Variants in MBD1 observed in about 807,000 individuals in gnomAD.
MBD1 encodes methyl-CpG binding domain protein 1, also known as methyl-CpG-binding domain protein 1.
MBD1 carries 25 observed loss-of-function variants against 82.6 expected under a neutral mutation model. The ratio of observed to expected loss-of-function variants is 0.30; its 90% CI spans 0.22 to 0.42. MBD1 has a LOEUF of 0.42. Among genes scored for constraint, MBD1 ranks in the 10% least tolerant of loss-of-function variants. The pLI is 1.00. For synonymous variants in MBD1, 301 were observed against 303.7 expected (o/e 0.99, Z 0.09); for missense variants, 627 against 819.6 (o/e 0.76, Z 2.87).
At chr18:50,275,332 A>G (rs1365708876) in intron 8 of MBD1, 87 bp from the exon 9 acceptor site, 3 of 1,612,182 alleles carry the variant, frequency 1.9e-6, no homozygotes, top group African/African-American at 2.7e-5. Flanking sequence ...GAAAGCATGC[A>G]TGGGACAGGC....
chr18:50,277,516 T>TTATA (rs749573543), intron 2 of MBD1, among the ~76,000 whole-genome samples: 1 of 151,472 alleles, frequency 6.6e-6, no homozygotes, highest in Non-Finnish European at 1.5e-5. Context: ...TATATTTGTG[T>TTATA]TATATATATA....
chr18:50,268,878 T>A lies in MBD1; in HGVS notation c.*973A>T. On this transcript the variant is annotated 3_prime_UTR_variant, in exon 17 of 17. Transcript: ENST00000269468. Reference sequence around the variant, plus strand: ...GACAATAAAAATTTAAAAATAATTTTAAAATAGAACAGCTTAGAGATAGAA... The same window carrying A: ...GACAATAAAAATTTAAAAATAATTTAAAAATAGAACAGCTTAGAGATAGAA... 1 of 978,330 alleles carries A rather than the reference T, an allele frequency of 1.0e-6. No homozygotes were observed. Among genetic ancestry groups the A allele is most frequent in the Non-Finnish European group, 1.2e-6 (1 of 823,492 alleles). The allele number at this position is 978,330 out of a possible 1,614,324, so 60.6% of individuals were successfully genotyped here.
chr18:50,276,397 C>T lies in MBD1; in HGVS notation c.497G>A (p.Arg166Gln), dbSNP rs897086935. 3 of 1,614,114 alleles carry T rather than the reference C, an allele frequency of 1.9e-6. No homozygotes were observed. Among genetic ancestry groups the T allele is most frequent in the South Asian group, 1.1e-5 (1 of 91,060 alleles). Residue 166 changes from arginine (R) to glutamine (Q), a missense_variant, in exon 6 of 17, where the codon CGG becomes CAG. Physicochemically the swap from Arg to Gln is conservative, Grantham distance 43. Around this residue, in one of 6 missense-constraint regions of MBD1, gnomAD observed 228 missense variants for 318.1 expected, o/e 0.72. Transcript: ENST00000269468. Reference sequence around the variant, plus strand: ...GCTTACCTTAAACATTCTCTGTTCCCGGTTGAAGGCAATTCTCTGTGCTGT... The same window carrying T: ...GCTTACCTTAAACATTCTCTGTTCCTGGTTGAAGGCAATTCTCTGTGCTGT... ...DCRAQRIAFN[R>Q]EQRMFKRVGC...
chr18:50,275,186 G>A lies in MBD1; in HGVS notation c.852C>T (p.Pro284=), dbSNP rs747032296. Residue 284 remains proline (P), a synonymous_variant, in exon 9 of 17, where the codon CCC becomes CCT. Transcript: ENST00000269468. ...CDSKMAARRR[P]GAQPLPPPPP... is the part of the protein sequence containing the mutation. ...GTGGTGGAGGCAGTGGCTGGGCTCC[G>A]GGGCGCCGCCTGGCAGCCATCTTGG... 1.2e-5 allele frequency: 19 copies of A among 1,613,962 alleles called. No individual in the cohort carries two copies. The highest frequency in any genetic ancestry group is 4.0e-5 in the African/African-American group (3 of 74,914).
chr18:50,269,265 G>T lies in MBD1; in HGVS notation c.*586C>A. The T allele has an allele frequency of 8.7e-7, 1 of 1,149,362 alleles. No individual in the cohort carries two copies. Among genetic ancestry groups the T allele is most frequent in the South Asian group, 2.0e-5 (1 of 49,464 alleles). 71.2% of individuals were successfully genotyped at this position (1,149,362 alleles called of 1,614,324 possible). A position where few individuals can be genotyped will look rare whatever the true frequency, so the allele number is the denominator to read the frequency against. ...TCAGCTTTGCATTTTCAGCCACATA[G>T]TTATATTGAGTTATCCTCAGGTGAG... is the stretch of plus-strand genomic sequence containing the variant. On this transcript the variant is annotated 3_prime_UTR_variant, in exon 17 of 17. Coordinates refer to ENST00000269468, the MANE Select transcript of MBD1 (RefSeq NM_015846.4).
At chr18:50,277,644 T>C (rs1464076445) in intron 2 of MBD1, among the ~76,000 whole-genome samples, 3 of 152,106 alleles carry the variant, frequency 2.0e-5, no homozygotes, top group Non-Finnish European at 4.4e-5. Context: ...AATTAAAGTA[T>C]AAGTAATTGA....
chr18:50,276,422 T>C lies in MBD1; in HGVS notation c.476-4A>G. On this transcript the variant is annotated splice_polypyrimidine_tract_variant and splice_region_variant and intron_variant, in intron 5 of 16. Coordinates refer to ENST00000269468, the MANE Select transcript of MBD1 (RefSeq NM_015846.4). ...CGGTTGAAGGCAATTCTCTGTGCTG[T>C]GGGGAGGAAGAGGGAAGAAGAAAAG... 1 of 1,614,064 alleles carries C rather than the reference T, an allele frequency of 6.2e-7. No homozygotes were observed. Among genetic ancestry groups the C allele is most frequent in the Non-Finnish European group, 8.5e-7 (1 of 1,179,974 alleles).
Position 50,275,350 on chromosome 18 carries a change from G to A in MBD1, c.793-105C>T, listed in dbSNP as rs760230357. The stretch of plus-strand genomic sequence containing the variant: ...AGCATGCATGGGACAGGCAGACAGA[G>A]GGTGGCGTGAGGCACTCACAGTTGG... On this transcript the variant is annotated intron_variant, in intron 8 of 16. Transcript: ENST00000269468. 7.4e-6 allele frequency: 12 copies of A among 1,612,434 alleles called. No homozygotes were observed. In the South Asian group the frequency reaches 1.2e-4, roughly 16 times the overall value.
At chr18:50,271,695 G>A (rs898846056) in intron 15 of MBD1, among the ~76,000 whole-genome samples, 155 bp from the exon 16 acceptor site, 2 of 152,030 alleles carry the variant, frequency 1.3e-5, no homozygotes, top group African/African-American at 4.8e-5. Context: ...TACCATTATA[G>A]ACAGCTTGTA....
chr18:50,272,529 C>CG (rs1417545255), intron 15 of MBD1, 148 bp downstream of exon 15: 4 of 855,180 alleles, frequency 4.7e-6, no homozygotes. Flanking sequence ...CCTACACACA[C>CG]GCCCCTCATT....
downstream of MBD1, chr18:50,267,502 C>T: frequency 2.4e-6 from 2 of 848,954 alleles, no homozygotes; most frequent in Non-Finnish European, 3.8e-6. Context: ...GTCTGAGGGT[C>T]ACAGTGGACC....
chr18:50,271,049 T>C, intron 16 of MBD1: 1 of 1,019,066 alleles, frequency 9.8e-7, no homozygotes, highest in Non-Finnish European at 1.2e-6. Flanking sequence ...AAATAGCAGT[T>C]CCTTTCCTTA....
At chr18:50,272,981 C>T in intron 13 of MBD1, 26 bp from the exon 14 acceptor site, 1 of 1,613,934 alleles carries the variant, frequency 6.2e-7, no homozygotes, top group Non-Finnish European at 8.5e-7. Flanking sequence ...AACAGGCAAC[C>T]ATTAGAAGGG....
Position 50,269,057 on chromosome 18 carries a change from T to C in MBD1, c.*794A>G. 1.0e-6 allele frequency: 1 copy of C among 987,056 alleles called. No individual in the cohort carries two copies. Among genetic ancestry groups the C allele is most frequent in the Non-Finnish European group, 1.2e-6 (1 of 830,732 alleles). The allele number at this position is 987,056 out of a possible 1,614,324, so 61.1% of individuals were successfully genotyped here. ...TTGTAATACATATTGATGCATTTAATAAAATTGCATGGGCCGTATCTTTTG... is the reference window on the plus strand; with the variant it reads ...TTGTAATACATATTGATGCATTTAACAAAATTGCATGGGCCGTATCTTTTG... On this transcript the variant is annotated 3_prime_UTR_variant, in exon 17 of 17. Coordinates refer to ENST00000269468, the MANE Select transcript of MBD1 (RefSeq NM_015846.4).
intron 6 of MBD1, 84 bp from the exon 7 acceptor site, chr18:50,276,065 C>A: frequency 6.5e-7 from 1 of 1,532,148 alleles, no homozygotes; most frequent in Non-Finnish European, 8.8e-7. Context: ...CATCAGCTGG[C>A]ATCACCATGA....
At position 50,269,291 on chromosome 18, in the gene MBD1, CAG is replaced by C; in HGVS notation, c.*558_*559del. The C allele has an allele frequency of 8.2e-7, 1 of 1,225,308 alleles. No homozygotes were observed. Among genetic ancestry groups the C allele is most frequent in the Non-Finnish European group, 1.0e-6 (1 of 968,964 alleles). 75.9% of individuals were successfully genotyped at this position (1,225,308 alleles called of 1,614,324 possible). A position where few individuals can be genotyped will look rare whatever the true frequency, so the allele number is the denominator to read the frequency against. ...TTATATTGAGTTATCCTCAGGTGAG[CAG>C]TGAGACCCTTGGGAGCGGATTCATG... is the stretch of plus-strand genomic sequence containing the variant. On this transcript the variant is annotated 3_prime_UTR_variant, in exon 17 of 17. Transcript: ENST00000269468.
At chr18:50,281,217 T>G in intron 1 of MBD1, 146 bp downstream of exon 1, 1 of 1,534,400 alleles carries the variant, frequency 6.5e-7, no homozygotes, top group Non-Finnish European at 8.7e-7. Context: ...ATCCCCCCAT[T>G]TCTCCTCGTC....
downstream of MBD1, among the ~76,000 whole-genome samples, chr18:50,268,424 G>C (rs1273641737): frequency 1.3e-5 from 2 of 152,248 alleles, no homozygotes; most frequent in Admixed American, 6.5e-5. Context: ...CCCCGGTTCG[G>C]TTTTGCCTGT....
At chr18:50,276,284 C>T (rs2037855726) in intron 6 of MBD1, 94 bp downstream of exon 6, 3 of 1,304,730 alleles carry the variant, frequency 2.3e-6, no homozygotes, top group Non-Finnish European at 3.3e-6. Flanking sequence ...GACTCTTCAT[C>T]CTGTGGACCC....
Sources: allele counts gnomAD v4.1 joint callset (sites outside exome capture counted in the v4.1 genomes callset), GRCh38; gene constraint gnomAD v4.1.1; regional missense constraint gnomAD v4.1.1; transcripts MANE v1.5; gene names NCBI Gene and HGNC (gene_info 2026-07-23, HGNC 2026-07-21).